BOC: variants seen among roughly 807,000 people sequenced by gnomAD.
BOC encodes brother of CDO.
A neutral mutation model predicts 112.0 loss-of-function variants in BOC; 76 were observed. The ratio of observed to expected loss-of-function variants is 0.68; its 90% CI spans 0.56 to 0.82. BOC has a LOEUF of 0.82. Ranked by LOEUF, BOC falls within the 40% of genes least tolerant of loss-of-function variation. BOC has a pLI of 0.00. For missense variants in BOC, 1,309 were observed against 1,511.7 expected, an observed-to-expected ratio of 0.87 and a Z score of 2.22; for synonymous variants, 580 against 599.8, an observed-to-expected ratio of 0.97 and a Z score of 0.48.
At position 113,273,215 on chromosome 3, in the gene BOC, C is replaced by CGGGA. The variant is rs1948327138; in HGVS notation, c.1110_1111insGAGG (p.Leu371GlufsTer15). 2 of 1,613,596 alleles carry CGGGA rather than the reference C, an allele frequency of 1.2e-6. No homozygotes were observed. ...GCCCCTCATCTCCAGCCAGCGCCTC[C>CGGGA]GGCTCTCCCGCAGGGCCCTGCGCGT... On this transcript the variant is annotated frameshift_variant, in exon 8 of 20. Coordinates refer to ENST00000682979, the MANE Select transcript of BOC (RefSeq NM_001378074.1). LOFTEE classifies it high-confidence loss of function.
chr3:113,250,002 A>T lies in BOC; in HGVS notation c.97+103A>T, dbSNP rs146882128. On this transcript the variant is annotated intron_variant, in intron 3 of 19. Transcript: ENST00000682979. Reference sequence around the variant, plus strand: ...GGCCTTCTTTACCTGGATTTCAAAGAACACTTTATTCCCATTGGCCTTCAG... The same window carrying T: ...GGCCTTCTTTACCTGGATTTCAAAGTACACTTTATTCCCATTGGCCTTCAG... 274 of 970,024 alleles carry T rather than the reference A, an allele frequency of 2.8e-4. No homozygotes were observed. The African/African-American group carries it at 4.2e-3, about 15-fold the overall frequency. The allele number at this position is 970,024 out of a possible 1,614,324, so 60.1% of individuals were successfully genotyped here. A position where few individuals can be genotyped will look rare whatever the true frequency, so the allele number is the denominator to read the frequency against.
At chr3:113,219,904 C>T (rs1280271737) in intron 2 of BOC, among the ~76,000 whole-genome samples, 2 of 152,298 alleles carry the variant, frequency 1.3e-5, no homozygotes, top group East Asian at 3.9e-4. Context: ...TTTCTTCCCC[C>T]CTCCCCTGGG....
chr3:113,242,186 C>T (rs567650815), intron 2 of BOC, among the ~76,000 whole-genome samples: 1 of 150,550 alleles, frequency 6.6e-6, no homozygotes, highest in South Asian at 2.1e-4. Flanking sequence ...ATCCAATTAG[C>T]AGGGTTGTCA....
Position 113,283,430 on chromosome 3 carries a change from G to A in BOC, c.2454G>A (p.Gln818=). ...CETKARKSSG[Q]PGRLPPPTLA... ...TTACAGCTCGGAAGTCTTCTGGCCA[G>A]CCTGGTCGACTGCCACCCCCAACTC... The change falls in exon 16 of 20, where the codon CAG becomes CAA. Residue 818 remains glutamine, a synonymous_variant. Transcript: ENST00000682979. 1 of 1,607,344 alleles carries A rather than the reference G, an allele frequency of 6.2e-7. No individual in the cohort carries two copies. Among genetic ancestry groups the A allele is most frequent in the Non-Finnish European group, 8.5e-7 (1 of 1,174,434 alleles).
At chr3:113,246,365 A>G (rs1428247523) in intron 2 of BOC, among the ~76,000 whole-genome samples, 1 of 152,214 alleles carries the variant, frequency 6.6e-6, no homozygotes, top group Non-Finnish European at 1.5e-5. Flanking sequence ...GCCAAGAAAA[A>G]TAATAGGCCT....
At chr3:113,268,258 C>T (rs764351927) in intron 4 of BOC, 41 bp from the exon 5 acceptor site, 1 of 1,611,166 alleles carries the variant, frequency 6.2e-7, no homozygotes, top group Non-Finnish European at 8.5e-7. Context: ...CACACTTTTG[C>T]TCTGCTGTCC....
chr3:113,274,986 C>T lies in BOC; in HGVS notation c.1542+304C>T, dbSNP rs948148278. 2.6e-5 allele frequency among the ~76,000 whole-genome samples: 4 copies of T among 152,188 alleles called. No homozygotes were observed. The highest frequency in any genetic ancestry group is 7.2e-5 in the African/African-American group (3 of 41,452). Reference sequence around the variant, plus strand: ...ACTGGCTTCTAGTCCCTGAGGAGACCGTGAACAGTCTCCCTGGTAACCATC... The same window carrying T: ...ACTGGCTTCTAGTCCCTGAGGAGACTGTGAACAGTCTCCCTGGTAACCATC... On this transcript the variant is annotated intron_variant, in intron 9 of 19. Transcript: ENST00000682979. The surrounding 1 kb of genome is among the most constrained non-coding windows in gnomAD (Gnocchi z 4.8).
rs748638203 is a variant in BOC, at chr3:113,274,148, C to T, written c.1235-227C>T. Among the ~76,000 whole-genome samples, 1 of 152,212 alleles carries T rather than the reference C, an allele frequency of 6.6e-6. No homozygotes were observed. Among genetic ancestry groups the T allele is most frequent in the Non-Finnish European group, 1.5e-5 (1 of 68,032 alleles). ...TTTGCTTGCCATACCCAAGCCACCC[C>T]TGAGCCCTGGCCAGGCAGGCCAGCC... On this transcript the variant is annotated intron_variant, in intron 8 of 19. Transcript: ENST00000682979. This position sits in a 1 kb window ranked among gnomAD's most constrained non-coding sequence, Gnocchi z 4.8.
rs189570253 is a variant in BOC, at chr3:113,245,906, G to T, written c.-81-3816G>T. On this transcript the variant is annotated intron_variant, in intron 2 of 19. Transcript: ENST00000682979. ...ACAGCTGCCGTGGCATGGGCGTCCA[G>T]GGGATGAGCCGACGGCTTTTTGTGG... Among the ~76,000 whole-genome samples the T allele has an allele frequency of 2.0e-5, 3 of 152,338 alleles. No individual in the cohort carries two copies. In the East Asian group the frequency reaches 5.8e-4, roughly 29 times the overall value.
chr3:113,285,498 G>C lies in BOC; in HGVS notation c.3093G>C (p.Gln1031His), dbSNP rs754321140. The C allele has an allele frequency of 6.2e-7, 1 of 1,613,962 alleles. No homozygotes were observed. Among genetic ancestry groups the C allele is most frequent in the South Asian group, 1.1e-5 (1 of 91,022 alleles). The change falls in exon 19 of 20, where the codon CAG becomes CAC. Residue 1031 changes from glutamine to histidine, a missense_variant. Transcript: ENST00000682979. ...QRQEQPAAVG[Q>H]SGVRRAPDSP... ...AGGAGCAGCCTGCTGCTGTGGGCCA[G>C]TCAGGGGTGAGGAGAGCCCCCGACA...
chr3:113,264,662 C>G (rs1211624677), intron 4 of BOC, among the ~76,000 whole-genome samples: 1 of 152,156 alleles, frequency 6.6e-6, no homozygotes, highest in Admixed American at 6.5e-5. Flanking sequence ...TCCCTGGCCC[C>G]CTTCCTGTCC....
At chr3:113,242,235 C>T (rs1025429625) in intron 2 of BOC, among the ~76,000 whole-genome samples, 1 of 152,096 alleles carries the variant, frequency 6.6e-6, no homozygotes, top group Non-Finnish European at 1.5e-5. Context: ...GGAATTGAGC[C>T]GGGAGTGTAG....
At chr3:113,242,187 A>G (rs528519724) in intron 2 of BOC, among the ~76,000 whole-genome samples, 1 of 151,602 alleles carries the variant, frequency 6.6e-6, no homozygotes, top group Admixed American at 6.6e-5. Context: ...TCCAATTAGC[A>G]GGGTTGTCAA....
rs763410019 is a variant in BOC at position 113,249,897 on chromosome 3, T to G, written c.95T>G (p.Leu32Trp). 1 of 1,613,064 alleles carries G rather than the reference T, an allele frequency of 6.2e-7. No individual in the cohort carries two copies. The highest frequency in any genetic ancestry group is 1.7e-5 in the Admixed American group (1 of 59,924). ...GCCACAGCAGGCTGCTTTGCTGACTTGAGTGAGTGCTTTCCTTCCCTTTCC... is the reference window on the plus strand; with the variant it reads ...GCCACAGCAGGCTGCTTTGCTGACTGGAGTGAGTGCTTTCCTTCCCTTTCC... ...LLATAGCFAD[L>W]NEVPQVTVQP... The change falls in exon 3 of 20, where the codon TTG (leucine) becomes TGG (tryptophan). Residue 32 changes from leucine (L) to tryptophan (W), a missense_variant and splice_region_variant. Physicochemically the swap from Leu to Trp is moderately conservative, Grantham distance 61 (BLOSUM62 -2). Transcript: ENST00000682979.
intron 2 of BOC, among the ~76,000 whole-genome samples, chr3:113,242,985 G>A (rs532602788): frequency 6.6e-6 from 1 of 152,296 alleles, no homozygotes; most frequent in East Asian, 1.9e-4. Flanking sequence ...GGTTGGCAGT[G>A]GTGCCTTCGG....
In BOC at chr3:113,270,913, C is replaced by T. The variant is rs1435866284; in HGVS notation, c.636C>T (p.Thr212=). 4 of 1,614,222 alleles carry T rather than the reference C, an allele frequency of 2.5e-6. No individual in the cohort carries two copies. Among genetic ancestry groups the T allele is most frequent in the Non-Finnish European group, 3.4e-6 (4 of 1,180,044 alleles). Residue 212 remains threonine (T), a synonymous_variant, in exon 6 of 20, where the codon ACC becomes ACT. Transcript: ENST00000682979. ...AYNPVTQEVK[T]SGSSDRLRVR... ...ACCCAGTGACCCAGGAAGTGAAAAC[C>T]TCCGGCTCCAGCGACAGGCTACGTG...
At chr3:113,243,397 T>C (rs1213308407) in intron 2 of BOC, among the ~76,000 whole-genome samples, 1 of 152,226 alleles carries the variant, frequency 6.6e-6, no homozygotes, top group East Asian at 1.9e-4. Context: ...ATGATACTAA[T>C]CCTAAATAGG....
At chr3:113,266,476 A>C (rs556348760) in intron 4 of BOC, among the ~76,000 whole-genome samples, 1 of 152,174 alleles carries the variant, frequency 6.6e-6, no homozygotes, top group Non-Finnish European at 1.5e-5. Context: ...CCACACTTAG[A>C]TATAATGTTC....
At position 113,274,297 on chromosome 3, in the gene BOC, G is replaced by C. The variant is rs988959726; in HGVS notation, c.1235-78G>C. 2 of 1,398,420 alleles carry C rather than the reference G, an allele frequency of 1.4e-6. No individual in the cohort carries two copies. Among genetic ancestry groups the C allele is most frequent in the Non-Finnish European group, 1.9e-6 (2 of 1,055,718 alleles). The allele number at this position is 1,398,420 out of a possible 1,614,324, so 86.6% of individuals were successfully genotyped here. On this transcript the variant is annotated intron_variant, in intron 8 of 19. Coordinates refer to ENST00000682979, the MANE Select transcript of BOC (RefSeq NM_001378074.1). The surrounding 1 kb of genome is among the most constrained non-coding windows in gnomAD (Gnocchi z 4.8). ...CAGGTTGCCTCTCTGTCTTCTTTCT[G>C]TTTTCTCCCCAGGAACAACAGCTCA... is the stretch of plus-strand genomic sequence containing the variant.
Sources: allele counts gnomAD v4.1 joint callset (sites outside exome capture counted in the v4.1 genomes callset), GRCh38; gene constraint gnomAD v4.1.1; non-coding constraint Gnocchi (gnomAD v3.1); transcripts MANE v1.5; gene names NCBI Gene and HGNC (gene_info 2026-07-23, HGNC 2026-07-21).